CCSER1: variants seen among roughly 807,000 people sequenced by gnomAD.
CCSER1 encodes coiled-coil serine rich protein 1.
In CCSER1, 41 loss-of-function variants were observed where a neutral mutation model predicts 82.0. The observed-to-expected ratio is 0.50, with a 90% CI of 0.39 to 0.65. The LOEUF (loss-of-function observed/expected upper bound fraction) is 0.65, where lower values mean the gene tolerates loss of function less well. Ranked by LOEUF, CCSER1 falls within the 30% of genes least tolerant of loss-of-function variation. CCSER1 has a pLI of 0.00. For missense variants in CCSER1, 1,119 were observed against 1,064.2 expected, an observed-to-expected ratio of 1.05 and a Z score of -0.72; for synonymous variants, 414 against 383.9, an observed-to-expected ratio of 1.08 and a Z score of -0.92.
intron 6 of CCSER1, among the ~76,000 whole-genome samples, chr4:90,701,127 G>T (rs1738023769): frequency 1.3e-5 from 2 of 152,162 alleles, no homozygotes; most frequent in South Asian, 4.2e-4. Flanking sequence ...GTTTAACATT[G>T]AAGTCTTTAA....
chr4:91,467,242 A>C (rs528401073), intron 10 of CCSER1, among the ~76,000 whole-genome samples: 4 of 152,174 alleles, frequency 2.6e-5, no homozygotes, highest in Non-Finnish European at 1.5e-5. Flanking sequence ...CAAAAACAAG[A>C]AATGGGGAAA....
intron 9 of CCSER1, among the ~76,000 whole-genome samples, chr4:90,937,794 TGGACAACGCAAACAA>T (rs1731137735): frequency 6.6e-6 from 1 of 152,188 alleles, no homozygotes; most frequent in Non-Finnish European, 1.5e-5. Context: ...TATCCTTGAT[TGGACAACGCAAACAA>T]GGAGTGATTT....
At chr4:90,878,253 A>G (rs1269371043) in intron 8 of CCSER1, among the ~76,000 whole-genome samples, 7 of 152,076 alleles carry the variant, frequency 4.6e-5, no homozygotes, top group Admixed American at 4.6e-4. Flanking sequence ...CTACTCCATA[A>G]CCATGAGCCC....
rs1202553614 is a variant in CCSER1 at position 90,403,519 on chromosome 4, AAG to A, written c.1603+3392_1603+3393del. On this transcript the variant is annotated intron_variant, in intron 4 of 10. Transcript: ENST00000509176. ...GTCTCAAAAAAAAAAAAAAAAAAAA[AAG>A]AAAAAAGACCTCAGATTATAAGAAG... is the stretch of plus-strand genomic sequence containing the variant. 5.9e-4 allele frequency among the ~76,000 whole-genome samples: 88 copies of A among 149,670 alleles called. 3 individuals carry two copies. The highest frequency in any genetic ancestry group is 1.5e-3 in the African/African-American group (62 of 40,486).
chr4:90,352,606 G>A (rs912723105), intron 3 of CCSER1, among the ~76,000 whole-genome samples: 2 of 151,882 alleles, frequency 1.3e-5, no homozygotes, highest in African/African-American at 4.8e-5. Flanking sequence ...AGGGTGCAGT[G>A]AGCCGAGATC....
At chr4:91,057,950 T>G (rs909258411) in intron 9 of CCSER1, among the ~76,000 whole-genome samples, 1 of 152,184 alleles carries the variant, frequency 6.6e-6, no homozygotes, top group African/African-American at 2.4e-5. Flanking sequence ...GTAACACTTA[T>G]GACAAATCTG....
chr4:90,248,316 A>C (rs1000795586), intron 1 of CCSER1, among the ~76,000 whole-genome samples: 3 of 152,214 alleles, frequency 2.0e-5, no homozygotes, highest in Non-Finnish European at 1.5e-5. Flanking sequence ...AGTAATGATG[A>C]AAAGCTGGAC....
intron 10 of CCSER1, among the ~76,000 whole-genome samples, chr4:91,459,742 G>T (rs565755420): frequency 6.6e-6 from 1 of 152,020 alleles, no homozygotes; most frequent in Admixed American, 6.6e-5. Flanking sequence ...AATGTCTGTG[G>T]CCTTAACATT....
intron 7 of CCSER1, among the ~76,000 whole-genome samples, chr4:90,752,581 C>A (rs1024999056): frequency 6.6e-6 from 1 of 151,976 alleles, no homozygotes; most frequent in Admixed American, 6.6e-5. Flanking sequence ...GGGCAGTTTT[C>A]TTCCTGGGAG....
chr4:91,332,305 GATA>G (rs1747012035), intron 10 of CCSER1, among the ~76,000 whole-genome samples: 1 of 151,662 alleles, frequency 6.6e-6, no homozygotes, highest in Admixed American at 6.6e-5. Flanking sequence ...TGCTTACATT[GATA>G]ATATTATCCC....
At chr4:90,233,539 G>T (rs1180540437) in intron 1 of CCSER1, among the ~76,000 whole-genome samples, 2 of 151,840 alleles carry the variant, frequency 1.3e-5, no homozygotes, top group Admixed American at 1.3e-4. Context: ...TGAGTTAGTG[G>T]GTGCAGCACA....
At chr4:91,008,662 T>C (rs1738729369) in intron 9 of CCSER1, among the ~76,000 whole-genome samples, 1 of 152,228 alleles carries the variant, frequency 6.6e-6, no homozygotes, top group Non-Finnish European at 1.5e-5. Context: ...ATTCTGCTTT[T>C]CTGTGTCTTT....
rs368641613 is a variant in CCSER1 at position 91,573,317 on chromosome 4, T to C, written c.2218-25255T>C. On this transcript the variant is annotated intron_variant, in intron 10 of 10. Transcript: ENST00000509176. ...TTCTAAGTCAGTGGGTCTTATCTTG[T>C]GAGACACCAAGGAAGTAAATCCTGC... Among the ~76,000 whole-genome samples, 296 of 152,294 alleles carry C rather than the reference T, an allele frequency of 1.9e-3. 4 individuals are homozygous for C. Among genetic ancestry groups the C allele is most frequent in the African/African-American group, 6.7e-3 (280 of 41,576 alleles).
At chr4:90,658,716 A>C (rs1468210180) in intron 6 of CCSER1, among the ~76,000 whole-genome samples, 1 of 152,218 alleles carries the variant, frequency 6.6e-6, no homozygotes, top group Non-Finnish European at 1.5e-5. Flanking sequence ...AATAACTTAA[A>C]AAGATATAGT....
intron 6 of CCSER1, among the ~76,000 whole-genome samples, chr4:90,720,488 C>T (rs1281451810): frequency 6.6e-6 from 1 of 151,900 alleles, no homozygotes; most frequent in African/African-American, 2.4e-5. Context: ...AATCAGTTAA[C>T]TGTATTTCAA....
In CCSER1 at chr4:91,287,574, A is replaced by C. The variant is rs574295282; in HGVS notation, c.2217+201580A>C. Among the ~76,000 whole-genome samples the C allele has an allele frequency of 2.0e-4, 30 of 152,094 alleles. 1 individual carries two copies. In the East Asian group the frequency reaches 5.0e-3, roughly 26 times the overall value. ...TATATCTTCAGATAATCTGTCTGGT[A>C]AGGTTGCTTCAAACCTGAGTAAACC... is the stretch of plus-strand genomic sequence containing the variant. On this transcript the variant is annotated intron_variant, in intron 10 of 10. Transcript: ENST00000509176.
At chr4:90,256,722 GTGGGTCAC>G (rs1278518093) in intron 1 of CCSER1, among the ~76,000 whole-genome samples, 1 of 152,236 alleles carries the variant, frequency 6.6e-6, no homozygotes, top group South Asian at 2.1e-4. Context: ...CAAATGAAAA[GTGGGTCAC>G]TGATCATTTT....
chr4:90,572,696 G>T (rs1780264006), intron 5 of CCSER1, among the ~76,000 whole-genome samples: 1 of 151,734 alleles, frequency 6.6e-6, no homozygotes, highest in Non-Finnish European at 1.5e-5. Context: ...AAAAGTATAT[G>T]TTCATTAAAT....
chr4:91,447,507 C>T (rs1442917370), intron 10 of CCSER1, among the ~76,000 whole-genome samples: 1 of 152,160 alleles, frequency 6.6e-6, no homozygotes, highest in Admixed American at 6.5e-5. Flanking sequence ...ACCTATCACA[C>T]TACTATTATA....
Sources: allele counts gnomAD v4.1 joint callset (sites outside exome capture counted in the v4.1 genomes callset), GRCh38; gene constraint gnomAD v4.1.1; transcripts MANE v1.5; gene names NCBI Gene and HGNC (gene_info 2026-07-23, HGNC 2026-07-21).